MAEA: variants seen among roughly 807,000 people sequenced by gnomAD.
MAEA encodes E3 ubiquitin-protein transferase MAEA.
In MAEA, 22 loss-of-function variants were observed where a neutral mutation model predicts 46.2. The observed-to-expected ratio is 0.48, with a 90% CI of 0.34 to 0.68. The LOEUF is 0.68. Ranked by LOEUF, MAEA falls within the 30% of genes least tolerant of loss-of-function variation. MAEA has a pLI of 0.01. For synonymous variants in MAEA, 246 were observed against 222.6 expected, an observed-to-expected ratio of 1.11 and a Z score of -0.94; for missense variants, 393 against 558.1, an observed-to-expected ratio of 0.70 and a Z score of 2.98.
chr4:1,306,572 C>T (rs1396900388), intron 1 of MAEA, among the ~76,000 whole-genome samples: 1 of 152,146 alleles, frequency 6.6e-6, no homozygotes, highest in African/African-American at 2.4e-5. Context: ...ACTGAGGCTG[C>T]AGGAGTTGGC....
intron 4 of MAEA, among the ~76,000 whole-genome samples, chr4:1,326,623 C>T (rs558770461): frequency 6.6e-6 from 1 of 152,054 alleles, no homozygotes; most frequent in Non-Finnish European, 1.5e-5. Flanking sequence ...GAGCTTCCCC[C>T]ACCCCCGCCC....
intron 1 of MAEA, among the ~76,000 whole-genome samples, chr4:1,304,553 G>T (rs984133481): frequency 1.2e-4 from 19 of 152,126 alleles, no homozygotes; most frequent in African/African-American, 4.6e-4. Context: ...CCATTCTCCT[G>T]CCTCAGCCTC....
chr4:1,309,215 C>T (rs1368350917), intron 1 of MAEA, among the ~76,000 whole-genome samples: 4 of 152,192 alleles, frequency 2.6e-5, no homozygotes, highest in Non-Finnish European at 4.4e-5. Context: ...TCAGCCCTTG[C>T]GTATCTGAAA....
chr4:1,338,975 TGA>T, intron 8 of MAEA, 97 bp from the exon 9 acceptor site: 1 of 1,000,044 alleles, frequency 1.0e-6, no homozygotes, highest in Non-Finnish European at 1.6e-6. Context: ...CCTGAGAGGA[TGA>T]GTCATTCCCT....
chr4:1,328,679 T>C, intron 5 of MAEA: 1 of 1,280,392 alleles, frequency 7.8e-7, no homozygotes, highest in Non-Finnish European at 1.0e-6. Context: ...TTTGGAGAAG[T>C]GGGCGTCTCA....
At chr4:1,297,940 C>T in intron 1 of MAEA, 1 of 453,074 alleles carries the variant, frequency 2.2e-6, no homozygotes, top group Non-Finnish European at 4.5e-6. Context: ...CCCTTCTCTG[C>T]TTCCCATTGT....
chr4:1,325,116 C>T (rs1738637727), intron 4 of MAEA, among the ~76,000 whole-genome samples: 1 of 152,110 alleles, frequency 6.6e-6, no homozygotes, highest in Admixed American at 6.6e-5. Flanking sequence ...TGCACGCACG[C>T]CAGGGGGTGT....
intron 2 of MAEA, among the ~76,000 whole-genome samples, chr4:1,314,436 C>T (rs913709661): frequency 6.6e-6 from 1 of 151,988 alleles, no homozygotes; most frequent in African/African-American, 2.4e-5. Flanking sequence ...AGTTAACAGA[C>T]AAAGCTAAAG....
At chr4:1,303,905 G>A (rs935270064) in intron 1 of MAEA, among the ~76,000 whole-genome samples, 1 of 142,904 alleles carries the variant, frequency 7.0e-6, no homozygotes, top group Non-Finnish European at 1.5e-5. Context: ...GCAGGGCAGG[G>A]TGGGGGTCGG....
At chr4:1,333,920 C>CCACT (rs1712264765) in intron 6 of MAEA, among the ~76,000 whole-genome samples, 1 of 45,394 alleles carries the variant, frequency 2.2e-5, no homozygotes, top group Non-Finnish European at 4.1e-5. Flanking sequence ...CTGTGCTCAC[C>CCACT]CCCATGCCCA....
chr4:1,318,369 C>T (rs1737585415), intron 3 of MAEA, among the ~76,000 whole-genome samples: 1 of 152,200 alleles, frequency 6.6e-6, no homozygotes, highest in South Asian at 2.1e-4. Flanking sequence ...CTGTGGTGGG[C>T]ACAGGCCACG....
At chr4:1,327,598 C>T (rs1169635306) in intron 4 of MAEA, 29 bp from the exon 5 acceptor site, 4 of 1,581,920 alleles carry the variant, frequency 2.5e-6, no homozygotes, top group South Asian at 2.2e-5. Flanking sequence ...GATGTGCTGT[C>T]TAAGCCCTCG....
intron 4 of MAEA, among the ~76,000 whole-genome samples, chr4:1,325,532 G>T (rs1458933431): frequency 2.0e-5 from 3 of 152,236 alleles, no homozygotes; most frequent in African/African-American, 7.2e-5. Flanking sequence ...GGTGTCTATT[G>T]TGTGAAGCGG....
At chr4:1,315,681 C>A in intron 3 of MAEA, 81 bp downstream of exon 3, 2 of 1,399,392 alleles carry the variant, frequency 1.4e-6, no homozygotes, top group Non-Finnish European at 2.0e-6. Flanking sequence ...TGTCCCCCGG[C>A]ATGCCTGTGT....
At chr4:1,309,811 G>A (rs781582808) in intron 1 of MAEA, 1 of 1,389,274 alleles carries the variant, frequency 7.2e-7, no homozygotes, top group Non-Finnish European at 9.4e-7. Context: ...AAGGGTTCCT[G>A]TCTGCAGCAC....
intron 3 of MAEA, among the ~76,000 whole-genome samples, chr4:1,317,321 C>CGCAGGCCCCACACTCTGGACTCATCT (rs1480012037): frequency 1.4e-5 from 2 of 145,008 alleles, no homozygotes; most frequent in South Asian, 2.2e-4. Context: ...CAGACTCACC[C>CGCAGGCCCCACACTCTGGACTCATCT]GCAGGCCCCA....
rs754766510 is a variant in MAEA, at chr4:1,312,127, G to A, written c.218G>A (p.Gly73Asp). The A allele has an allele frequency of 6.2e-7, 1 of 1,613,904 alleles. No individual in the cohort carries two copies. The highest frequency in any genetic ancestry group is 1.7e-5 in the Admixed American group (1 of 60,034). ...GACTCCGTGGTCAGCCTGCTGGACG[G>A]CGTGGTGGAGAAGCTCAGCGTCCTC... Reference protein sequence around the residue: ...AVDSVVSLLDGVVEKLSVLKR... With the variant: ...AVDSVVSLLDDVVEKLSVLKR... The change falls in exon 2 of 9, where the codon GGC becomes GAC. Residue 73 changes from glycine to aspartate, a missense_variant. This residue lies in a region of MAEA where 358 missense variants were observed against 537.9 expected (regional missense o/e 0.67). Transcript: ENST00000303400.
Position 1,312,100 on chromosome 4 carries a change from T to G in MAEA, c.191T>G (p.Val64Gly). 1 of 1,613,858 alleles carries G rather than the reference T, an allele frequency of 6.2e-7. No homozygotes were observed. Among genetic ancestry groups the G allele is most frequent in the Non-Finnish European group, 8.5e-7 (1 of 1,180,044 alleles). Reference protein sequence around the residue: ...LEKTLSGCPAVDSVVSLLDGV... With the variant: ...LEKTLSGCPAGDSVVSLLDGV... ...AAGACGTTGAGCGGCTGCCCCGCCGTGGACTCCGTGGTCAGCCTGCTGGAC... is the reference window on the plus strand; with the variant it reads ...AAGACGTTGAGCGGCTGCCCCGCCGGGGACTCCGTGGTCAGCCTGCTGGAC... The change falls in exon 2 of 9, where the codon GTG (valine) becomes GGG (glycine). Residue 64 changes from valine to glycine, a missense_variant. By Grantham distance (109) the Val-to-Gly change is moderately radical. Coordinates refer to ENST00000303400, the MANE Select transcript of MAEA (RefSeq NM_001017405.3).
intron 1 of MAEA, among the ~76,000 whole-genome samples, chr4:1,305,758 CGTGCGCACGCGTGCGTGTAA>C (rs71168824): frequency 0.34 from 51,665 of 151,196 alleles, 10,498 homozygotes; most frequent in Non-Finnish European, 0.46. Flanking sequence ...CGTGCGTGCA[CGTGCGCACGCGTGCGTGTAA>C]GGAGCTGTGT....
Sources: gnomAD v4.1 joint callset for allele counts (sites outside exome capture counted in the v4.1 genomes callset) on GRCh38, gnomAD v4.1.1 for gene constraint, gnomAD v4.1.1 regional missense constraint, MANE v1.5 for transcripts, NCBI Gene and HGNC (gene_info 2026-07-23, HGNC 2026-07-21) for gene names.